Variants in HEPHL1 observed in about 807,000 individuals in gnomAD.
The protein encoded by HEPHL1 is ferroxidase HEPHL1.
Under a neutral mutation model 122.0 loss-of-function variants are expected in HEPHL1, and 123 were observed. That is an observed-to-expected ratio of 1.01 (90% CI 0.87 to 1.17). The LOEUF is 1.17. HEPHL1 is among the 50% of genes most tolerant of loss of function. The pLI is 0.00. For missense variants in HEPHL1, 1,452 were observed against 1,430.5 expected, an observed-to-expected ratio of 1.01 and a Z score of -0.24; for synonymous variants, 527 against 508.9, an observed-to-expected ratio of 1.04 and a Z score of -0.48.
Position 94,045,889 on chromosome 11 carries a change from T to A in HEPHL1, c.387T>A (p.His129Gln). The A allele has an allele frequency of 6.2e-7, 1 of 1,613,930 alleles. No homozygotes were observed. Among genetic ancestry groups the A allele is most frequent in the South Asian group, 1.1e-5 (1 of 91,074 alleles). ...FASRPYSLHP[H>Q]GVFYNKDSEG... is the part of the protein sequence containing the mutation. ...CTCGACCTTACTCTCTGCATCCACA[T>A]GGCGTTTTCTACAACAAAGATTCAG... is the stretch of plus-strand genomic sequence containing the variant. Residue 129 changes from histidine (H) to glutamine (Q), a missense_variant, in exon 2 of 20, where the codon CAT (histidine) becomes CAA (glutamine). His to Gln is a conservative substitution (Grantham distance 24). Coordinates refer to ENST00000315765, the MANE Select transcript of HEPHL1 (RefSeq NM_001098672.2).
intron 2 of HEPHL1, among the ~76,000 whole-genome samples, chr11:94,054,217 C>G (rs1413250847): frequency 6.6e-6 from 1 of 152,188 alleles, no homozygotes; most frequent in African/African-American, 2.4e-5. Flanking sequence ...ACAGGATGTA[C>G]ACATCTTTGG....
At chr11:94,042,598 C>A (rs868074750) in intron 1 of HEPHL1, among the ~76,000 whole-genome samples, 1 of 151,178 alleles carries the variant, frequency 6.6e-6, no homozygotes, top group South Asian at 2.1e-4. Context: ...AATTGGAAAC[C>A]ATCATTCTCA....
rs548831531 is a variant in HEPHL1, at chr11:94,101,217, G to A, written c.2457G>A (p.Val819=). The change falls in exon 14 of 20, where the codon GTG becomes GTA. Residue 819 remains valine, a synonymous_variant. Coordinates refer to ENST00000315765, the MANE Select transcript of HEPHL1 (RefSeq NM_001098672.2). ...TAGGCCCAATGATTCATGCTGAGGT[G>A]GGCAACACCGTCCTGATCATATTTA... ...ELLGPMIHAE[V]GNTVLIIFKN... 11 of 1,613,890 alleles carry A rather than the reference G, an allele frequency of 6.8e-6. No individual in the cohort carries two copies. The Admixed American group carries it at 1.5e-4, about 22-fold the overall frequency.
intron 1 of HEPHL1, among the ~76,000 whole-genome samples, chr11:94,039,356 C>T (rs1015214259): frequency 2.0e-5 from 3 of 152,140 alleles, no homozygotes; most frequent in South Asian, 2.1e-4. Flanking sequence ...GAACTCAGCT[C>T]TGCACCAAGC....
chr11:94,079,078 A>G (rs1210480360), intron 9 of HEPHL1, among the ~76,000 whole-genome samples: 2 of 152,188 alleles, frequency 1.3e-5, no homozygotes, highest in African/African-American at 4.8e-5. Flanking sequence ...TCATTCTTCT[A>G]CTATGGATGA....
chr11:94,055,867 C>A lies in HEPHL1; in HGVS notation c.416-7641C>A, dbSNP rs185534312. On this transcript the variant is annotated intron_variant, in intron 2 of 19. Coordinates refer to ENST00000315765, the MANE Select transcript of HEPHL1 (RefSeq NM_001098672.2). ...TCCATGGAATCTGCCAAAGATTTAG[C>A]TCTGTGCTCAGCATCCACATAATAT... is the stretch of plus-strand genomic sequence containing the variant. 1.5e-5 allele frequency: 9 copies of A among 616,844 alleles called. No homozygotes were observed. In the East Asian group the frequency reaches 3.1e-4, roughly 21 times the overall value. The allele number at this position is 616,844 out of a possible 1,614,324, so 38.2% of individuals were successfully genotyped here. A position where few individuals can be genotyped will look rare whatever the true frequency, so the allele number is the denominator to read the frequency against.
At chr11:94,038,213 G>T (rs1185468258) in intron 1 of HEPHL1, among the ~76,000 whole-genome samples, 2 of 151,210 alleles carry the variant, frequency 1.3e-5, no homozygotes, top group Non-Finnish European at 1.5e-5. Flanking sequence ...AGAAATATGG[G>T]ACTATGTGAA....
intron 1 of HEPHL1, among the ~76,000 whole-genome samples, chr11:94,038,267 G>A (rs1945743922): frequency 6.7e-6 from 1 of 148,230 alleles, no homozygotes; most frequent in African/African-American, 2.5e-5. Context: ...AAGTGATGGG[G>A]AGAATGGAAC....
At chr11:94,101,844 G>T (rs942537341) in intron 14 of HEPHL1, among the ~76,000 whole-genome samples, 1 of 152,082 alleles carries the variant, frequency 6.6e-6, no homozygotes, top group Admixed American at 6.5e-5. Context: ...CCCTTATCAC[G>T]GTTTTGCTTT....
intron 1 of HEPHL1, among the ~76,000 whole-genome samples, chr11:94,035,300 C>T (rs1405593869): frequency 6.6e-6 from 1 of 152,184 alleles, no homozygotes; most frequent in Non-Finnish European, 1.5e-5. Context: ...GTTCCTTCCT[C>T]TTGACTACAA....
chr11:94,049,747 G>A (rs1324189505), intron 2 of HEPHL1, among the ~76,000 whole-genome samples: 1 of 151,934 alleles, frequency 6.6e-6, no homozygotes, highest in East Asian at 1.9e-4. Context: ...TGAAATTCTA[G>A]TAAGTTTTGA....
intron 11 of HEPHL1, among the ~76,000 whole-genome samples, chr11:94,086,830 C>A (rs1005272521): frequency 6.6e-6 from 1 of 152,222 alleles, no homozygotes; most frequent in Non-Finnish European, 1.5e-5. Context: ...TAGAGCAACA[C>A]GTGGTAGCAC....
At chr11:94,047,672 C>G (rs2134417009) in intron 2 of HEPHL1, among the ~76,000 whole-genome samples, 1 of 152,160 alleles carries the variant, frequency 6.6e-6, no homozygotes, top group East Asian at 1.9e-4. Flanking sequence ...TAAAGATGTA[C>G]CAAGATAGTT....
Position 94,032,648 on chromosome 11 carries a change from C to T in HEPHL1, c.170+11110C>T, listed in dbSNP as rs191870093. Reference sequence around the variant, plus strand: ...GGCATGAGCAGGGCAGGAGAGGGGTCCGCCTGACCAGGAATGTCAGGTAAC... The same window carrying T: ...GGCATGAGCAGGGCAGGAGAGGGGTTCGCCTGACCAGGAATGTCAGGTAAC... On this transcript the variant is annotated intron_variant, in intron 1 of 19. Coordinates refer to ENST00000315765, the MANE Select transcript of HEPHL1 (RefSeq NM_001098672.2). 1.9e-4 allele frequency among the ~76,000 whole-genome samples: 29 copies of T among 152,148 alleles called. 1 individual carries two copies. The East Asian group carries it at 5.6e-3, about 30-fold the overall frequency.
In HEPHL1 at chr11:94,105,666, T is replaced by C. The variant is rs116343579; in HGVS notation, c.2906-325T>C. ...TGTTTATGCCTTGATTTGTTCTCTG[T>C]AGAGTGGTATAAATCTGACTACCTC... On this transcript the variant is annotated intron_variant, in intron 16 of 19. Coordinates refer to ENST00000315765, the MANE Select transcript of HEPHL1 (RefSeq NM_001098672.2). 3.6e-3 allele frequency among the ~76,000 whole-genome samples: 549 copies of C among 152,360 alleles called. 4 individuals carry two copies. Among genetic ancestry groups the C allele is most frequent in the African/African-American group, 0.012 (510 of 41,580 alleles).
At chr11:94,099,528 T>C (rs1248426388) in intron 13 of HEPHL1, among the ~76,000 whole-genome samples, 1 of 152,142 alleles carries the variant, frequency 6.6e-6, no homozygotes, top group African/African-American at 2.4e-5. Flanking sequence ...GAACCACTAC[T>C]CTCTTCAAAG....
rs543638840 is a variant in HEPHL1 at position 94,072,951 on chromosome 11, A to G, written c.1233-74A>G. The G allele has an allele frequency of 1.7e-4, 246 of 1,407,704 alleles. 1 individual carries two copies. The African/African-American group carries it at 3.3e-3, about 19-fold the overall frequency. 87.2% of individuals were successfully genotyped at this position (1,407,704 alleles called of 1,614,324 possible). The stretch of plus-strand genomic sequence containing the variant: ...GGGCGAGTGGACTAAAAGTGATAGA[A>G]TGAAGTTCTATAATTAAAGTATTTG... On this transcript the variant is annotated intron_variant, in intron 6 of 19. Transcript: ENST00000315765.
chr11:94,068,231 G>C (rs1314892032), intron 5 of HEPHL1, among the ~76,000 whole-genome samples: 1 of 152,156 alleles, frequency 6.6e-6, no homozygotes, highest in African/African-American at 2.4e-5. Context: ...TGTTCTTTTT[G>C]AGCAACTGTA....
chr11:94,111,604 C>A lies in HEPHL1; in HGVS notation c.3276C>A (p.Asn1092Lys). Residue 1092 changes from asparagine (N) to lysine (K), a missense_variant and splice_region_variant, in exon 19 of 20, where the codon AAC (asparagine) becomes AAA (lysine). Transcript: ENST00000315765. ...CTCACCCAGCCACGGTGCCATCTAA[C>A]GGTAATGATACCCTCTCCCCATGTA... ...VASHPATVPS[N>K]ERPGKEQLYF... 6.2e-7 allele frequency: 1 copy of A among 1,606,258 alleles called. No individual in the cohort carries two copies. The highest frequency in any genetic ancestry group is 8.5e-7 in the Non-Finnish European group (1 of 1,175,868).
Sources: allele counts gnomAD v4.1 joint callset (sites outside exome capture counted in the v4.1 genomes callset), GRCh38; gene constraint gnomAD v4.1.1; transcripts MANE v1.5; gene names NCBI Gene and HGNC (gene_info 2026-07-23, HGNC 2026-07-21).